Variants in MGAT4C observed in about 807,000 individuals in gnomAD.
MGAT4C encodes MGAT4 family member C.
Under a neutral mutation model 40.1 loss-of-function variants are expected in MGAT4C, and 19 were observed. The observed-to-expected ratio is 0.47, with a 90% CI of 0.33 to 0.70. The LOEUF is 0.70. Among genes scored for constraint, MGAT4C ranks in the 30% least tolerant of loss-of-function variants. MGAT4C has a pLI of 0.02. For synonymous variants in MGAT4C, 181 were observed against 187.1 expected, an observed-to-expected ratio of 0.97 and a Z score of 0.27; for missense variants, 491 against 563.2, an observed-to-expected ratio of 0.87 and a Z score of 1.30.
rs1414093845 is a variant in MGAT4C, at chr12:85,957,869, T to G, written c.*21420A>C. ...GGAACCACCTTTATTTATTGGCTTT[T>G]GTTGCTTTTTCTCCAAGAAAATTTG... On this transcript the variant is annotated 3_prime_UTR_variant, in exon 5 of 5. Coordinates refer to ENST00000611864, the MANE Select transcript of MGAT4C (RefSeq NM_001351288.2). 1 of 152,096 alleles carries G rather than the reference T, an allele frequency of 6.6e-6. No individual in the cohort carries two copies. Among genetic ancestry groups the G allele is most frequent in the Non-Finnish European group, 1.5e-5 (1 of 68,004 alleles). The allele number at this position is 152,096 out of a possible 1,614,324, so 9.4% of individuals were successfully genotyped here.
intron 2 of MGAT4C, among the ~76,000 whole-genome samples, chr12:86,020,912 C>T (rs183480270): frequency 3.3e-5 from 5 of 152,204 alleles, no homozygotes; most frequent in African/African-American, 1.2e-4. Flanking sequence ...ACAACCCCAT[C>T]AAAAAGTGGG....
intron 4 of MGAT4C, among the ~76,000 whole-genome samples, chr12:86,292,838 GTTT>G (rs78014269): frequency 7.2e-6 from 1 of 139,804 alleles, no homozygotes. Context: ...AGAAATGACT[GTTT>G]TTTTTTTTTT....
At chr12:86,837,623 A>G (rs1011395685) in intron 1 of MGAT4C, among the ~76,000 whole-genome samples, 1 of 151,990 alleles carries the variant, frequency 6.6e-6, no homozygotes, top group Non-Finnish European at 1.5e-5. Flanking sequence ...AACCATTTTT[A>G]TAGTCATTTT....
chr12:86,181,684 A>G (rs973856632), intron 1 of MGAT4C, among the ~76,000 whole-genome samples: 6 of 152,142 alleles, frequency 3.9e-5, no homozygotes, highest in Non-Finnish European at 8.8e-5. Flanking sequence ...AGTCATCTAA[A>G]TTTTACAGAC....
chr12:86,042,942 A>C (rs1892019580), intron 2 of MGAT4C, among the ~76,000 whole-genome samples: 1 of 151,846 alleles, frequency 6.6e-6, no homozygotes, highest in Admixed American at 6.6e-5. Context: ...TTCTGTCAAA[A>C]AGTCTGCTGG....
At chr12:86,762,133 T>C (rs7960441) in intron 1 of MGAT4C, among the ~76,000 whole-genome samples, 62,340 of 151,348 alleles carry the variant, frequency 0.41, 13,000 homozygotes, top group East Asian at 0.46. Flanking sequence ...CTCACTGCAG[T>C]CTTAACCCCC....
intron 3 of MGAT4C, among the ~76,000 whole-genome samples, chr12:86,370,629 G>A (rs1270810369): frequency 1.3e-5 from 2 of 152,010 alleles, no homozygotes; most frequent in Non-Finnish European, 2.9e-5. Flanking sequence ...TGTTACGAAA[G>A]CAAAACTGAA....
chr12:86,571,605 CTG>C (rs747593159), intron 2 of MGAT4C, among the ~76,000 whole-genome samples: 8 of 151,750 alleles, frequency 5.3e-5, no homozygotes, highest in Non-Finnish European at 8.8e-5. Flanking sequence ...GCGTGAGTGT[CTG>C]TGTGTGTGTA....
intron 1 of MGAT4C, among the ~76,000 whole-genome samples, chr12:86,199,437 C>T (rs952554473): frequency 2.6e-5 from 4 of 151,992 alleles, no homozygotes; most frequent in African/African-American, 9.7e-5. Context: ...GTGCTCAGTC[C>T]ATTGTATTTT....
chr12:86,777,757 T>G (rs1447187600), intron 1 of MGAT4C, among the ~76,000 whole-genome samples: 1 of 152,150 alleles, frequency 6.6e-6, no homozygotes, highest in Non-Finnish European at 1.5e-5. Context: ...CAGAAATTCT[T>G]TGAAGTATGT....
intron 2 of MGAT4C, among the ~76,000 whole-genome samples, chr12:86,502,724 C>T (rs1346471924): frequency 3.5e-5 from 5 of 142,518 alleles, no homozygotes; most frequent in African/African-American, 5.2e-5. Flanking sequence ...TATATATACA[C>T]GAGTTCTGCT....
intron 2 of MGAT4C, among the ~76,000 whole-genome samples, chr12:86,616,596 A>G (rs1222670274): frequency 6.6e-6 from 1 of 152,082 alleles, no homozygotes; most frequent in African/African-American, 2.4e-5. Context: ...AACAATATAA[A>G]TCTTCTTCAA....
At chr12:86,078,373 T>C (rs1489312463) in intron 1 of MGAT4C, among the ~76,000 whole-genome samples, 1 of 152,158 alleles carries the variant, frequency 6.6e-6, no homozygotes, top group Non-Finnish European at 1.5e-5. Flanking sequence ...AGTGAGTGCC[T>C]TGATCAGAGG....
chr12:86,606,612 AACTC>A (rs534528653), intron 2 of MGAT4C, among the ~76,000 whole-genome samples: 1 of 152,096 alleles, frequency 6.6e-6, no homozygotes, highest in African/African-American at 2.4e-5. Context: ...AGTTCCTGTT[AACTC>A]ACTCAGAAAA....
intron 2 of MGAT4C, among the ~76,000 whole-genome samples, chr12:86,513,820 A>T (rs1306057879): frequency 2.0e-5 from 3 of 152,206 alleles, no homozygotes; most frequent in Non-Finnish European, 4.4e-5. Flanking sequence ...AAAGTGAGTT[A>T]TATGGCATTT....
chr12:86,680,730 G>A (rs2136579074), intron 2 of MGAT4C, among the ~76,000 whole-genome samples: 1 of 152,082 alleles, frequency 6.6e-6, no homozygotes, highest in African/African-American at 2.4e-5. Context: ...TGCTCCGAAG[G>A]TAAATCCATA....
intron 1 of MGAT4C, among the ~76,000 whole-genome samples, chr12:86,225,127 A>T (rs1208355519): frequency 6.6e-6 from 1 of 152,080 alleles, no homozygotes; most frequent in East Asian, 1.9e-4. Flanking sequence ...GAGATTTTAT[A>T]ACTGATAAAA....
At chr12:86,074,770 G>A (rs1869340063) in intron 1 of MGAT4C, among the ~76,000 whole-genome samples, 1 of 152,124 alleles carries the variant, frequency 6.6e-6, no homozygotes, top group Admixed American at 6.5e-5. Context: ...AAAGAAGAGA[G>A]AATTGAAGGC....
chr12:86,186,342 A>C (rs1253553072), intron 1 of MGAT4C, among the ~76,000 whole-genome samples: 2 of 152,172 alleles, frequency 1.3e-5, no homozygotes, highest in African/African-American at 2.4e-5. Context: ...CATATCAATT[A>C]ATAACTGACA....
Sources: allele counts gnomAD v4.1 joint callset (sites outside exome capture counted in the v4.1 genomes callset), GRCh38; gene constraint gnomAD v4.1.1; transcripts MANE v1.5; gene names NCBI Gene and HGNC (gene_info 2026-07-23, HGNC 2026-07-21).